Variants in HTRA2 observed in about 807,000 individuals in gnomAD.
HTRA2 encodes the protein serine protease HTRA2, mitochondrial.
Under a neutral mutation model 42.2 loss-of-function variants are expected in HTRA2, and 24 were observed. That is an observed-to-expected ratio of 0.57 (90% CI 0.41 to 0.80). The LOEUF (loss-of-function observed/expected upper bound fraction) is 0.80, where lower values mean the gene tolerates loss of function less well. Among genes scored for constraint, HTRA2 ranks in the 30% least tolerant of loss-of-function variants. HTRA2 has a pLI of 0.00. For missense variants in HTRA2, 466 were observed against 613.5 expected, an observed-to-expected ratio of 0.76 and a Z score of 2.54; for synonymous variants, 245 against 255.8, an observed-to-expected ratio of 0.96 and a Z score of 0.40.
Position 74,530,064 on chromosome 2 carries a change from T to C in HTRA2, c.58T>C (p.Leu20=). The C allele has an allele frequency of 6.3e-7, 1 of 1,589,220 alleles. No individual in the cohort carries two copies. Among genetic ancestry groups the C allele is most frequent in the Middle Eastern group, 1.7e-4 (1 of 5,982 alleles). Residue 20 remains leucine, a synonymous_variant, in exon 1 of 8, where the codon TTG becomes CTG. Coordinates refer to ENST00000258080, the MANE Select transcript of HTRA2 (RefSeq NM_013247.5). The surrounding 1 kb of genome is among the most constrained non-coding windows in gnomAD (Gnocchi z 7.4). ...AGWSLRAWRA[L]GGIRWGRRPR... ...CTGGAGCCTTCGGGCATGGCGGGCT[T>C]TGGGGGGCATTCGCTGGGGGAGGAG...
upstream of HTRA2, chr2:74,529,566 G>T (rs1392976764): frequency 1.3e-6 from 2 of 1,557,450 alleles, no homozygotes; most frequent in Non-Finnish European, 1.7e-6. Context: ...GTCTCTTCCC[G>T]CCGGGTCTCT....
At position 74,531,648 on chromosome 2, in the gene HTRA2, T is replaced by C; in HGVS notation, c.991T>C (p.Phe331Leu). 1 of 1,614,162 alleles carries C rather than the reference T, an allele frequency of 6.2e-7. No homozygotes were observed. The highest frequency in any genetic ancestry group is 1.1e-5 in the South Asian group (1 of 91,084). Residue 331 changes from phenylalanine to leucine, a missense_variant, in exon 5 of 8, where the codon TTT becomes CTT. Phe to Leu is a conservative substitution (Grantham distance 22). Transcript: ENST00000258080. ...NTMKVTAGIS[F>L]AIPSDRLREF... ...CATGAAGGTCACAGCTGGAATCTCC[T>C]TTGCCATCCCTTCTGATCGTCTTCG... is the stretch of plus-strand genomic sequence containing the variant.
Position 74,530,167 on chromosome 2 carries a change from C to T in HTRA2, c.161C>T (p.Thr54Ile). The T allele has an allele frequency of 4.3e-6, 7 of 1,612,310 alleles. No individual in the cohort carries two copies. Among genetic ancestry groups the T allele is most frequent in the South Asian group, 1.1e-5 (1 of 90,998 alleles). Residue 54 changes from threonine to isoleucine, a missense_variant, in exon 1 of 8, where the codon ACC (threonine) becomes ATC (isoleucine). Physicochemically the swap from Thr to Ile is moderately conservative, Grantham distance 89 (BLOSUM62 -1). Coordinates refer to ENST00000258080, the MANE Select transcript of HTRA2 (RefSeq NM_013247.5). This position sits in a 1 kb window ranked among gnomAD's most constrained non-coding sequence, Gnocchi z 7.4. ...CCCCGGGCCCGAGTGACTTATGGGACCCCCAGTCTCTGGGCCCGGTTGTCT... is the reference window on the plus strand; with the variant it reads ...CCCCGGGCCCGAGTGACTTATGGGATCCCCAGTCTCTGGGCCCGGTTGTCT... ...SDPRARVTYGTPSLWARLSVG... is the reference protein window; with the variant it reads ...SDPRARVTYGIPSLWARLSVG...
chr2:74,532,794 TTCTC>T, intron 7 of HTRA2, 22 bp from the exon 8 acceptor site: 1 of 1,614,110 alleles, frequency 6.2e-7, no homozygotes, highest in Non-Finnish European at 8.5e-7. Flanking sequence ...ACTCCTTCCT[TTCTC>T]TCTGTCCATT....
In HTRA2 at chr2:74,532,973, G is replaced by A. The variant is rs1349675274; in HGVS notation, c.1365G>A (p.Glu455=). Residue 455 remains glutamate, a synonymous_variant, in exon 8 of 8, where the codon GAG becomes GAA. Transcript: ENST00000258080. ...CACTGACCTTATATGTGACCCCTGA[G>A]GTCACAGAATGAATAGATCACCAAG... ...RETLTLYVTP[E]VTE The A allele has an allele frequency of 6.2e-7, 1 of 1,613,718 alleles. No homozygotes were observed. The highest frequency in any genetic ancestry group is 1.7e-5 in the Admixed American group (1 of 59,978).
chr2:74,529,788 C>G, upstream of HTRA2: 2 of 1,449,634 alleles, frequency 1.4e-6, no homozygotes, highest in East Asian at 2.5e-5. Flanking sequence ...CAGCATACCC[C>G]GCGGCCCCTT....
downstream of HTRA2, chr2:74,533,359 G>A: frequency 3.7e-6 from 2 of 543,304 alleles, no homozygotes; most frequent in South Asian, 4.4e-5. Context: ...TCTTTGTGGT[G>A]TGGTGGGCTC....
In HTRA2 at chr2:74,530,633, C is replaced by T; in HGVS notation, c.523C>T (p.Arg175Cys). The T allele has an allele frequency of 1.2e-6, 2 of 1,614,084 alleles. No homozygotes were observed. Among genetic ancestry groups the T allele is most frequent in the Non-Finnish European group, 1.7e-6 (2 of 1,180,030 alleles). ...EILDRHPFLG[R>C]EVPISNGSGF... The stretch of plus-strand genomic sequence containing the variant: ...CCATTTCAGGCACCCTTTCTTGGGC[C>T]GCGAGGTCCCTATCTCGAACGGCTC... Residue 175 changes from arginine (R) to cysteine (C), a missense_variant, in exon 2 of 8, where the codon CGC becomes TGC. Around this residue, in one of 3 missense-constraint regions of HTRA2, gnomAD observed 115 missense variants for 245.4 expected, o/e 0.47. Coordinates refer to ENST00000258080, the MANE Select transcript of HTRA2 (RefSeq NM_013247.5). The surrounding 1 kb of genome is among the most constrained non-coding windows in gnomAD (Gnocchi z 7.4).
In HTRA2 at chr2:74,533,043, A is replaced by C; in HGVS notation, c.*58A>C. 6.4e-7 allele frequency: 1 copy of C among 1,560,052 alleles called. No individual in the cohort carries two copies. The highest frequency in any genetic ancestry group is 1.1e-5 in the South Asian group (1 of 89,818). On this transcript the variant is annotated 3_prime_UTR_variant, in exon 8 of 8. Coordinates refer to ENST00000258080, the MANE Select transcript of HTRA2 (RefSeq NM_013247.5). ...GATTTCCTCCTTGCCTTTCTGGCTG[A>C]GGTTCTGAGGGCACCGAGACAGAGG...
rs779457274 is a variant in HTRA2, at chr2:74,530,345, T to TG, written c.346dup (p.Ala116GlyfsTer22). On this transcript the variant is annotated frameshift_variant, in exon 1 of 8. Transcript: ENST00000258080. LOFTEE classifies it high-confidence loss of function. The surrounding 1 kb of genome is among the most constrained non-coding windows in gnomAD (Gnocchi z 7.4). ...CGTGGCTGGCGGTGGCGCTGGGCGC[T>TG]GGGGGGGCAGTGCTGTTGTTGTTGT... 26 of 1,590,576 alleles carry TG rather than the reference T, an allele frequency of 1.6e-5. No individual in the cohort carries two copies. The highest frequency in any genetic ancestry group is 3.5e-5 in the Admixed American group (2 of 57,656).
Position 74,529,936 on chromosome 2 carries a change from C to G in HTRA2, c.-71C>G. ...AGGTACCGGCGTGCCCCGCGTCCTA[C>G]TGTCCGCCTGCTCGCGTCCTGGGTG... On this transcript the variant is annotated 5_prime_UTR_variant, in exon 1 of 8. Transcript: ENST00000258080. 1 of 1,490,892 alleles carries G rather than the reference C, an allele frequency of 6.7e-7. No individual in the cohort carries two copies. Among genetic ancestry groups the G allele is most frequent in the Admixed American group, 2.3e-5 (1 of 43,292 alleles). The allele number at this position is 1,490,892 out of a possible 1,614,324, so 92.4% of individuals were successfully genotyped here. A position where few individuals can be genotyped will look rare whatever the true frequency, so the allele number is the denominator to read the frequency against.
At chr2:74,529,467 A>G (rs1289800587), upstream of HTRA2, 4 of 1,561,236 alleles carry the variant, frequency 2.6e-6, no homozygotes, top group Non-Finnish European at 3.5e-6. Flanking sequence ...GTAGAGCAGC[A>G]GCACGAGCAG....
chr2:74,530,824 G>C lies in HTRA2; in HGVS notation c.711+3G>C. 2.5e-6 allele frequency: 4 copies of C among 1,614,168 alleles called. No individual in the cohort carries two copies. The South Asian group carries it at 3.3e-5, about 13-fold the overall frequency. ...CAACGCTGAGGATTCAGACTAAGGT[G>C]GGGGCTGGGGTAGGCCAGGTCTGGT... is the stretch of plus-strand genomic sequence containing the variant. On this transcript the variant is annotated splice_donor_region_variant and intron_variant, in intron 2 of 7. Transcript: ENST00000258080. This position sits in a 1 kb window ranked among gnomAD's most constrained non-coding sequence, Gnocchi z 7.4.
At position 74,531,608 on chromosome 2, in the gene HTRA2, G is replaced by A. The variant is rs774395531; in HGVS notation, c.951G>A (p.Val317=). The change falls in exon 5 of 8, where the codon GTG becomes GTA. Residue 317 remains valine (V), a synonymous_variant. Transcript: ENST00000258080. The part of the protein sequence containing the change: ...GGPLVNLDGE[V]IGVNTMKVTA... ...CTGTATCCCTGCAGGATGGGGAGGT[G>A]ATTGGAGTGAACACCATGAAGGTCA... 6.2e-7 allele frequency: 1 copy of A among 1,614,190 alleles called. No homozygotes were observed. The highest frequency in any genetic ancestry group is 8.5e-7 in the Non-Finnish European group (1 of 1,180,026).
At chr2:74,532,779 T>C in intron 7 of HTRA2, 41 bp from the exon 8 acceptor site, 1 of 1,613,750 alleles carries the variant, frequency 6.2e-7, no homozygotes, top group Non-Finnish European at 8.5e-7. Context: ...TGAACTAGGC[T>C]TTGTACTCCT....
upstream of HTRA2, chr2:74,529,655 C>A (rs1436047454): frequency 6.5e-7 from 1 of 1,546,602 alleles, no homozygotes; most frequent in Non-Finnish European, 8.7e-7. Context: ...AGCGCCCGGC[C>A]GTCGCCGCCG....
chr2:74,530,104 C>T lies in HTRA2; in HGVS notation c.98C>T (p.Pro33Leu). 6.2e-7 allele frequency: 1 copy of T among 1,606,898 alleles called. No homozygotes were observed. The highest frequency in any genetic ancestry group is 8.5e-7 in the Non-Finnish European group (1 of 1,175,092). ...TGGGGGAGGAGACCCCGTTTGACCC[C>T]TGACCTCCGGGCCCTGCTGACGTCA... is the stretch of plus-strand genomic sequence containing the variant. Reference protein sequence around the residue: ...IRWGRRPRLTPDLRALLTSGT... With the variant: ...IRWGRRPRLTLDLRALLTSGT... The change falls in exon 1 of 8, where the codon CCT becomes CTT. Residue 33 changes from proline to leucine, a missense_variant. Pro to Leu is a moderately conservative substitution (Grantham distance 98). Around this residue, in one of 3 missense-constraint regions of HTRA2, gnomAD observed 222 missense variants for 205.1 expected, o/e 1.08. Coordinates refer to ENST00000258080, the MANE Select transcript of HTRA2 (RefSeq NM_013247.5). This position sits in a 1 kb window ranked among gnomAD's most constrained non-coding sequence, Gnocchi z 7.4.
rs767167271 is a variant in HTRA2, at chr2:74,530,955, G to A, written c.756G>A (p.Arg252=). 2 of 1,614,228 alleles carry A rather than the reference G, an allele frequency of 1.2e-6. No homozygotes were observed. Among genetic ancestry groups the A allele is most frequent in the Middle Eastern group, 3.3e-4 (2 of 6,062 alleles). Reference sequence around the variant, plus strand: ...CTCTGGGACGCTCAGCTGATGTCCGGCAAGGGGAGTTTGTTGTTGCCATGG... The same window carrying A: ...CTCTGGGACGCTCAGCTGATGTCCGACAAGGGGAGTTTGTTGTTGCCATGG... ...TLPLGRSADV[R]QGEFVVAMGS... The change falls in exon 3 of 8, where the codon CGG becomes CGA. Residue 252 remains arginine, a synonymous_variant. Transcript: ENST00000258080. The surrounding 1 kb of genome is among the most constrained non-coding windows in gnomAD (Gnocchi z 7.4).
chr2:74,531,785 G>T, intron 5 of HTRA2, 71 bp from the exon 6 acceptor site: 1 of 1,611,306 alleles, frequency 6.2e-7, no homozygotes, highest in South Asian at 1.1e-5. Flanking sequence ...CCTGGAGGGT[G>T]GTCTACTGGG....
Sources: gnomAD v4.1 joint callset for allele counts on GRCh38, gnomAD v4.1.1 for gene constraint, gnomAD v4.1.1 regional missense constraint, Gnocchi (gnomAD v3.1) non-coding constraint, MANE v1.5 for transcripts, NCBI Gene and HGNC (gene_info 2026-07-23, HGNC 2026-07-21) for gene names.